Variants in TSHZ2 observed in about 807,000 individuals in gnomAD.
The protein encoded by TSHZ2 is teashirt homolog 2.
A neutral mutation model predicts 74.4 loss-of-function variants in TSHZ2; 21 were observed. The ratio of observed to expected loss-of-function variants is 0.28; its 90% confidence interval spans 0.20 to 0.41. The LOEUF (loss-of-function observed/expected upper bound fraction) is 0.41, where lower values mean the gene tolerates loss of function less well. Ranked by LOEUF, TSHZ2 falls within the 10% of genes least tolerant of loss-of-function variation. The pLI is 1.00. For synonymous variants in TSHZ2, 540 were observed against 515.3 expected (o/e 1.05, Z -0.65); for missense variants, 1,244 against 1,293.5 (o/e 0.96, Z 0.59).
rs143975721 is a variant in TSHZ2, at chr20:53,255,855, C to G, written c.2397C>G (p.Val799=). The G allele has an allele frequency of 4.7e-4, 755 of 1,611,568 alleles. 3 individuals are homozygous for G. The African/African-American group carries it at 8.6e-3, about 18-fold the overall frequency. The change falls in exon 2 of 3, where the codon GTC becomes GTG. Residue 799 remains valine, a synonymous_variant. Transcript: ENST00000371497. This position sits in a 1 kb window ranked among gnomAD's most constrained non-coding sequence, Gnocchi z 4.1. ...KHALSDIADM[V]KVLPKATTPK... ...CTCTGTCTGACATCGCCGACATGGT[C>G]AAAGTCCTCCCCAAAGCCACCACCC...
At chr20:53,104,540 T>G (rs888693078) in intron 1 of TSHZ2, among the ~76,000 whole-genome samples, 4 of 152,114 alleles carry the variant, frequency 2.6e-5, no homozygotes, top group African/African-American at 9.7e-5. Flanking sequence ...CTTTGTGTGT[T>G]TTTTCCTTAA....
chr20:53,192,304 A>C (rs934639764), intron 1 of TSHZ2, among the ~76,000 whole-genome samples: 3 of 152,050 alleles, frequency 2.0e-5, no homozygotes, highest in Non-Finnish European at 4.4e-5. Flanking sequence ...AAAAAAAAAA[A>C]AAACAAAAAA....
rs189150494 is a variant in TSHZ2, at chr20:53,143,699, T to A, written c.41-109800T>A. On this transcript the variant is annotated intron_variant, in intron 1 of 2. Coordinates refer to ENST00000371497, the MANE Select transcript of TSHZ2 (RefSeq NM_173485.6). ...AGAGCAAGACTCCGTCTCAAAAAAATAAATAAATAAATAAATAATAATAAT... is the reference window on the plus strand; with the variant it reads ...AGAGCAAGACTCCGTCTCAAAAAAAAAAATAAATAAATAAATAATAATAAT... 3.8e-3 allele frequency among the ~76,000 whole-genome samples: 576 copies of A among 151,216 alleles called. 2 individuals are homozygous for A. Among genetic ancestry groups the A allele is most frequent in the Non-Finnish European group, 5.3e-3 (359 of 67,832 alleles).
At chr20:53,262,158 CA>C (rs1393827663) in intron 2 of TSHZ2, among the ~76,000 whole-genome samples, 1 of 151,880 alleles carries the variant, frequency 6.6e-6, no homozygotes, top group Non-Finnish European at 1.5e-5. Flanking sequence ...AACCTGCCAC[CA>C]AACAAACAGA....
intron 1 of TSHZ2, among the ~76,000 whole-genome samples, chr20:53,176,606 G>T (rs1988344268): frequency 6.6e-6 from 1 of 152,010 alleles, no homozygotes; most frequent in African/African-American, 2.4e-5. Flanking sequence ...CTTAAGTCAA[G>T]AGTAACAGGA....
At chr20:53,338,376 TATG>T (rs907973476) in intron 2 of TSHZ2, among the ~76,000 whole-genome samples, 54 of 152,334 alleles carry the variant, frequency 3.5e-4, no homozygotes, top group African/African-American at 1.3e-3. Flanking sequence ...GAGGGTCTCC[TATG>T]ATGACTGCCT....
chr20:53,202,219 T>C (rs1989027439), intron 1 of TSHZ2, among the ~76,000 whole-genome samples: 1 of 152,208 alleles, frequency 6.6e-6, no homozygotes, highest in African/African-American at 2.4e-5. Flanking sequence ...AGAGGGTCGA[T>C]GAGTACCTGC....
rs1248125115 is a variant in TSHZ2 at position 53,430,216 on chromosome 20, TGCCTCA to T, written c.*9-56922_*9-56917del. Among the ~76,000 whole-genome samples, 3 of 152,246 alleles carry T rather than the reference TGCCTCA, an allele frequency of 2.0e-5. No individual in the cohort carries two copies. The East Asian group carries it at 5.8e-4, about 29-fold the overall frequency. ...GTCTCCAGGGTTGAAGCGATTCTCC[TGCCTCA>T]GCCTCCCGAGAAGCTGGGACTACAG... On this transcript the variant is annotated intron_variant, in intron 2 of 2. Transcript: ENST00000371497.
chr20:53,004,210 T>TGAAATACAAATTTCATCCA (rs573525296), intron 1 of TSHZ2, among the ~76,000 whole-genome samples: 185 of 152,190 alleles, frequency 1.2e-3, no homozygotes, highest in Middle Eastern at 3.4e-3. Flanking sequence ...GGTTTCTGGA[T>TGAAATACAAATTTCATCCA]GAAATACAAA....
intron 1 of TSHZ2, among the ~76,000 whole-genome samples, chr20:53,201,549 A>T (rs935358432): frequency 6.6e-6 from 1 of 152,110 alleles, no homozygotes; most frequent in Non-Finnish European, 1.5e-5. Context: ...TAATCTCTTT[A>T]TCTCAAGATC....
At chr20:53,362,156 C>A (rs1244042632) in intron 2 of TSHZ2, among the ~76,000 whole-genome samples, 2 of 150,948 alleles carry the variant, frequency 1.3e-5, no homozygotes, top group Admixed American at 1.3e-4. Flanking sequence ...CGTGAGCCAC[C>A]GTGCCCAGCC....
chr20:53,070,847 T>C (rs750631185), intron 1 of TSHZ2, among the ~76,000 whole-genome samples: 22 of 152,194 alleles, frequency 1.4e-4, no homozygotes, highest in Non-Finnish European at 2.9e-4. Flanking sequence ...AATTGACATG[T>C]GGGCGTGTTC....
At chr20:53,129,302 GAT>G (rs893383622) in intron 1 of TSHZ2, among the ~76,000 whole-genome samples, 1 of 152,012 alleles carries the variant, frequency 6.6e-6, no homozygotes, top group Non-Finnish European at 1.5e-5. Context: ...GTACATGGTA[GAT>G]ATATATATGT....
chr20:53,127,465 G>A (rs536524052), intron 1 of TSHZ2, among the ~76,000 whole-genome samples: 32 of 152,322 alleles, frequency 2.1e-4, no homozygotes, highest in Middle Eastern at 3.4e-3. Context: ...CAATGCTTTC[G>A]GAAGCCCAGG....
intron 2 of TSHZ2, among the ~76,000 whole-genome samples, chr20:53,443,782 A>G (rs1984434354): frequency 6.6e-6 from 1 of 152,200 alleles, no homozygotes; most frequent in Non-Finnish European, 1.5e-5. Flanking sequence ...TGAGCCAGTT[A>G]TACACACTTT....
chr20:53,420,856 G>A (rs890823539), intron 2 of TSHZ2, among the ~76,000 whole-genome samples: 2 of 152,204 alleles, frequency 1.3e-5, no homozygotes, highest in Admixed American at 1.3e-4. Flanking sequence ...TTACCCATTA[G>A]CATAAAAAGG....
At chr20:53,279,864 C>A (rs1332558341) in intron 2 of TSHZ2, among the ~76,000 whole-genome samples, 1 of 152,164 alleles carries the variant, frequency 6.6e-6, no homozygotes, top group African/African-American at 2.4e-5. Flanking sequence ...ATATGAAGGA[C>A]TGAGGGAGCC....
chr20:53,193,259 G>GA (rs1988784405), intron 1 of TSHZ2, among the ~76,000 whole-genome samples: 2 of 151,680 alleles, frequency 1.3e-5, no homozygotes, highest in African/African-American at 2.4e-5. Flanking sequence ...GAGATTCAGA[G>GA]AAAAAATAAG....
At chr20:53,039,948 A>G (rs1172999572) in intron 1 of TSHZ2, among the ~76,000 whole-genome samples, 1 of 152,022 alleles carries the variant, frequency 6.6e-6, no homozygotes, top group Non-Finnish European at 1.5e-5. Context: ...TCTACTAAAA[A>G]TACAAAAATT....
Sources: allele counts gnomAD v4.1 joint callset (sites outside exome capture counted in the v4.1 genomes callset), GRCh38; gene constraint gnomAD v4.1.1; non-coding constraint Gnocchi (gnomAD v3.1); transcripts MANE v1.5; gene names NCBI Gene and HGNC (gene_info 2026-07-23, HGNC 2026-07-21).